TMEM178B: variants seen among roughly 807,000 people sequenced by gnomAD.
The protein encoded by TMEM178B is transmembrane protein 178B.
Under a neutral mutation model 31.0 loss-of-function variants are expected in TMEM178B, and 5 were observed. That is an observed-to-expected ratio of 0.16 (90% CI 0.08 to 0.34). The LOEUF (loss-of-function observed/expected upper bound fraction) is 0.34. Ranked by LOEUF, TMEM178B falls within the 10% of genes least tolerant of loss-of-function variation. The pLI, the probability that TMEM178B is intolerant of heterozygous loss-of-function variation, is 1.00. For synonymous variants in TMEM178B, 164 were observed against 164.0 expected, an observed-to-expected ratio of 1.00 and a Z score of 0.00; for missense variants, 275 against 400.3, an observed-to-expected ratio of 0.69 and a Z score of 2.67.
chr7:141,226,916 A>G (rs1335450497), intron 2 of TMEM178B, among the ~76,000 whole-genome samples: 2 of 151,524 alleles, frequency 1.3e-5, no homozygotes, highest in East Asian at 1.9e-4. Context: ...TTGATCCCTC[A>G]TTAAATTGAA....
At chr7:141,211,819 A>G (rs901916747) in intron 1 of TMEM178B, among the ~76,000 whole-genome samples, 1 of 152,200 alleles carries the variant, frequency 6.6e-6, no homozygotes, top group African/African-American at 2.4e-5. Context: ...ATTTAAATTC[A>G]GATTGCCAGG....
intron 3 of TMEM178B, among the ~76,000 whole-genome samples, chr7:141,452,294 A>G (rs971242783): frequency 2.0e-5 from 3 of 152,084 alleles, no homozygotes; most frequent in Non-Finnish European, 4.4e-5. Flanking sequence ...TCCTTTCTCT[A>G]TATACGTTAT....
intron 1 of TMEM178B, among the ~76,000 whole-genome samples, chr7:141,121,783 T>C (rs1795411441): frequency 6.6e-6 from 1 of 152,224 alleles, no homozygotes; most frequent in Admixed American, 6.5e-5. Context: ...ATGAACCTGG[T>C]ATCATTGTCT....
intron 1 of TMEM178B, among the ~76,000 whole-genome samples, chr7:141,133,285 A>G (rs1446020404): frequency 6.6e-6 from 1 of 152,210 alleles, no homozygotes; most frequent in South Asian, 2.1e-4. Flanking sequence ...AAATAATGAC[A>G]TTAAAGAAAC....
At chr7:141,133,146 G>C (rs1349385612) in intron 1 of TMEM178B, among the ~76,000 whole-genome samples, 1 of 152,046 alleles carries the variant, frequency 6.6e-6, no homozygotes. Context: ...TAGATGTGCA[G>C]GTATTAATGT....
chr7:141,187,390 C>T (rs1156570360), intron 1 of TMEM178B, among the ~76,000 whole-genome samples: 6 of 152,098 alleles, frequency 3.9e-5, no homozygotes, highest in East Asian at 1.9e-4. Flanking sequence ...TGAATAGTGC[C>T]GCTATAAACA....
chr7:141,114,987 C>A (rs1795294763), intron 1 of TMEM178B, among the ~76,000 whole-genome samples: 1 of 151,990 alleles, frequency 6.6e-6, no homozygotes, highest in South Asian at 2.1e-4. Flanking sequence ...GTACATGGAG[C>A]TTGTGGACTA....
intron 1 of TMEM178B, among the ~76,000 whole-genome samples, chr7:141,166,466 A>G (rs1467031311): frequency 6.6e-6 from 1 of 152,232 alleles, no homozygotes; most frequent in Admixed American, 6.5e-5. Context: ...TCCCCAGAAC[A>G]TATTTAGTCT....
intron 1 of TMEM178B, among the ~76,000 whole-genome samples, chr7:141,188,848 A>G (rs1796653054): frequency 2.6e-5 from 4 of 152,232 alleles, no homozygotes. Flanking sequence ...AATCAAGGTC[A>G]CAGACTTACC....
intron 3 of TMEM178B, among the ~76,000 whole-genome samples, chr7:141,441,894 C>T (rs549673041): frequency 5.3e-5 from 8 of 152,198 alleles, no homozygotes; most frequent in South Asian, 2.1e-4. Flanking sequence ...CGCTCAGCCC[C>T]GAGGAGATGA....
At chr7:141,365,402 T>C (rs1563162821) in intron 2 of TMEM178B, among the ~76,000 whole-genome samples, 1 of 152,198 alleles carries the variant, frequency 6.6e-6, no homozygotes, top group Non-Finnish European at 1.5e-5. Context: ...CCACCAGCTT[T>C]GGGATTGAGC....
chr7:141,313,775 G>A (rs1005104416), intron 2 of TMEM178B, among the ~76,000 whole-genome samples: 7 of 121,214 alleles, frequency 5.8e-5, no homozygotes, highest in African/African-American at 1.8e-4. Flanking sequence ...ATATTTTTAT[G>A]TTTAAAAAAA....
At chr7:141,196,432 A>G (rs1038008351) in intron 1 of TMEM178B, among the ~76,000 whole-genome samples, 1 of 152,222 alleles carries the variant, frequency 6.6e-6, no homozygotes, top group East Asian at 1.9e-4. Context: ...CTTGTATTCT[A>G]AATAACAGTG....
At chr7:141,160,051 ATATAAT>A (rs1390549770) in intron 1 of TMEM178B, among the ~76,000 whole-genome samples, 85 of 66,286 alleles carry the variant, frequency 1.3e-3, no homozygotes, top group African/African-American at 7.0e-3. Context: ...TATAATCAAT[ATATAAT>A]ATATATATAT....
chr7:141,388,826 C>T (rs1286622457), intron 2 of TMEM178B, among the ~76,000 whole-genome samples: 1 of 152,216 alleles, frequency 6.6e-6, no homozygotes, highest in Non-Finnish European at 1.5e-5. Flanking sequence ...CAAAGATCTA[C>T]ATACATAAAC....
At chr7:141,469,848 AAAGTAGGGT>A (rs144067884) in intron 3 of TMEM178B, among the ~76,000 whole-genome samples, 6,265 of 152,164 alleles carry the variant, frequency 0.041, 392 homozygotes, top group African/African-American at 0.14. Context: ...AATTCTGCAT[AAAGTAGGGT>A]AGATGAGTTA....
chr7:141,204,812 A>G (rs1467265289), intron 1 of TMEM178B, among the ~76,000 whole-genome samples: 2 of 152,138 alleles, frequency 1.3e-5, no homozygotes, highest in East Asian at 3.8e-4. Flanking sequence ...ATGTAAACAA[A>G]AGAAATGGCT....
rs146996501 is a variant in TMEM178B at position 141,477,324 on chromosome 7, A to G, written c.*6538A>G. Reference sequence around the variant, plus strand: ...AGGGAGATTGAGATTAAACAAATGCAATGATGTAGCCCTTAGTTTTCTGAG... The same window carrying G: ...AGGGAGATTGAGATTAAACAAATGCGATGATGTAGCCCTTAGTTTTCTGAG... On this transcript the variant is annotated 3_prime_UTR_variant, in exon 4 of 4. Coordinates refer to ENST00000565468, the MANE Select transcript of TMEM178B (RefSeq NM_001195278.2). 3 of 154,686 alleles carry G rather than the reference A, an allele frequency of 1.9e-5. No individual in the cohort carries two copies. The East Asian group carries it at 5.8e-4, about 30-fold the overall frequency. 9.6% of individuals were successfully genotyped at this position (154,686 alleles called of 1,614,324 possible). A position where few individuals can be genotyped will look rare whatever the true frequency, so the allele number is the denominator to read the frequency against.
the TMEM178B span, among the ~76,000 whole-genome samples, chr7:141,503,005 A>C: frequency 6.6e-6 from 1 of 152,068 alleles, no homozygotes; most frequent in Admixed American, 6.5e-5. Flanking sequence ...TATTGTGCAA[A>C]GTGTATTGCC....
Sources: gnomAD v4.1 joint callset for allele counts (sites outside exome capture counted in the v4.1 genomes callset) on GRCh38, gnomAD v4.1.1 for gene constraint, MANE v1.5 for transcripts, NCBI Gene and HGNC (gene_info 2026-07-23, HGNC 2026-07-21) for gene names.